The following BBS9 variants were observed in gnomAD, a reference collection of about 807,000 sequenced individuals.
The protein encoded by BBS9 is Bardet-Biedl syndrome 9, also known as protein PTHB1.
BBS9 carries 89 observed loss-of-function variants against 117.7 expected under a neutral mutation model. That is an observed-to-expected ratio of 0.76 (90% CI 0.64 to 0.90). The LOEUF is 0.90. BBS9 is among the 40% of genes least tolerant of loss of function. The pLI, the probability that BBS9 is intolerant of heterozygous loss-of-function variation, is 0.00. For synonymous variants in BBS9, 379 were observed against 370.9 expected (o/e 1.02, Z -0.25); for missense variants, 982 against 1,042.2 (o/e 0.94, Z 0.80).
intron 12 of BBS9, among the ~76,000 whole-genome samples, chr7:33,348,520 T>C (rs1290311072): frequency 1.3e-5 from 2 of 152,338 alleles, no homozygotes; most frequent in East Asian, 3.9e-4. Context: ...TATTAGCATA[T>C]TGTTGCTGTG....
chr7:33,568,756 T>C (rs1857303398), intron 21 of BBS9, among the ~76,000 whole-genome samples: 1 of 152,200 alleles, frequency 6.6e-6, no homozygotes, highest in East Asian at 1.9e-4. Flanking sequence ...AAATACAGAA[T>C]GGTGTTATGG....
chr7:33,407,936 C>T (rs1012323054), intron 19 of BBS9, among the ~76,000 whole-genome samples: 1 of 152,228 alleles, frequency 6.6e-6, no homozygotes, highest in East Asian at 1.9e-4. Flanking sequence ...TCTCCAGCTG[C>T]ATGCTGGGAG....
At chr7:33,566,605 T>C (rs1856965167) in intron 21 of BBS9, among the ~76,000 whole-genome samples, 1 of 152,120 alleles carries the variant, frequency 6.6e-6, no homozygotes, top group African/African-American at 2.4e-5. Context: ...TTTAGTGCTT[T>C]TCAAATTTAA....
chr7:33,326,949 C>T (rs563363904), intron 9 of BBS9, among the ~76,000 whole-genome samples: 3 of 151,876 alleles, frequency 2.0e-5, no homozygotes, highest in African/African-American at 4.8e-5. Flanking sequence ...GCTGGGCGTT[C>T]GGGGAAAGGT....
chr7:33,288,152 G>A (rs1027051356), intron 9 of BBS9, among the ~76,000 whole-genome samples: 5 of 152,086 alleles, frequency 3.3e-5, no homozygotes, highest in African/African-American at 1.2e-4. Context: ...CCAGAAATTC[G>A]TGCCTTATGC....
At chr7:33,465,449 G>GTA (rs1840024749) in intron 19 of BBS9, among the ~76,000 whole-genome samples, 1 of 152,018 alleles carries the variant, frequency 6.6e-6, no homozygotes, top group Non-Finnish European at 1.5e-5. Context: ...AAGTACTTTA[G>GTA]TTAATACAGT....
rs115054173 is a variant in BBS9 at position 33,157,011 on chromosome 7, G to A, written c.328+1309G>A. On this transcript the variant is annotated intron_variant, in intron 4 of 22. Coordinates refer to ENST00000242067, the MANE Select transcript of BBS9 (RefSeq NM_198428.3). Reference sequence around the variant, plus strand: ...TTATTTTACTAAGTGGGTTACACAAGCCATGGAGGAGAATTTGCCTACAGT... The same window carrying A: ...TTATTTTACTAAGTGGGTTACACAAACCATGGAGGAGAATTTGCCTACAGT... Among the ~76,000 whole-genome samples, 802 of 152,218 alleles carry A rather than the reference G, an allele frequency of 5.3e-3. 9 individuals are homozygous for A. Among genetic ancestry groups the A allele is most frequent in the African/African-American group, 0.018 (728 of 41,514 alleles).
rs529739969 is a variant in BBS9, at chr7:33,253,706, C to T, written c.443-3530C>T. ...TAGAGAGGCTCTGCTGTCCACAATA[C>T]GTGACTTTCATCTCTGAGGCCAAGA... On this transcript the variant is annotated intron_variant, in intron 5 of 22. Transcript: ENST00000242067. Among the ~76,000 whole-genome samples the T allele has an allele frequency of 3.3e-5, 5 of 152,300 alleles. No individual in the cohort carries two copies. In the East Asian group the frequency reaches 5.8e-4, roughly 18 times the overall value.
At chr7:33,306,902 C>A (rs980027924) in intron 9 of BBS9, among the ~76,000 whole-genome samples, 2 of 152,184 alleles carry the variant, frequency 1.3e-5, no homozygotes, top group East Asian at 1.9e-4. Context: ...AATAAAATAT[C>A]TTGGCAAATA....
chr7:33,210,407 T>A (rs181156097), intron 5 of BBS9, among the ~76,000 whole-genome samples: 19 of 152,342 alleles, frequency 1.2e-4, no homozygotes, highest in Admixed American at 1.2e-3. Flanking sequence ...CTCCATTTGG[T>A]CTATAGTGCA....
chr7:33,580,690 C>G (rs1859725861), intron 21 of BBS9, among the ~76,000 whole-genome samples: 1 of 152,116 alleles, frequency 6.6e-6, no homozygotes. Context: ...ACAGATGAAA[C>G]TGGCAGATGG....
At chr7:33,321,968 A>G (rs1356328088) in intron 9 of BBS9, among the ~76,000 whole-genome samples, 1 of 152,060 alleles carries the variant, frequency 6.6e-6, no homozygotes, top group Non-Finnish European at 1.5e-5. Flanking sequence ...TTTCAGCATC[A>G]ATCGAAATGA....
chr7:33,231,595 AT>A (rs1482377323), intron 5 of BBS9, among the ~76,000 whole-genome samples: 1 of 150,776 alleles, frequency 6.6e-6, no homozygotes, highest in Non-Finnish European at 1.5e-5. Flanking sequence ...AAACTTTGGG[AT>A]TTTTTTCCTA....
chr7:33,553,745 C>A (rs1031437905), intron 21 of BBS9, among the ~76,000 whole-genome samples: 1 of 151,998 alleles, frequency 6.6e-6, no homozygotes, highest in Admixed American at 6.6e-5. Flanking sequence ...ATGAATAGGA[C>A]AATTTTTAAA....
At chr7:33,559,889 C>G (rs1348947448) in intron 21 of BBS9, among the ~76,000 whole-genome samples, 1 of 152,114 alleles carries the variant, frequency 6.6e-6, no homozygotes, top group Admixed American at 6.5e-5. Context: ...TCCTTTGTTC[C>G]CAGATCTCCC....
At chr7:33,177,202 C>G (rs965170536) in intron 4 of BBS9, among the ~76,000 whole-genome samples, 2 of 152,052 alleles carry the variant, frequency 1.3e-5, no homozygotes, top group Non-Finnish European at 2.9e-5. Flanking sequence ...AATAATTACA[C>G]TTTACTCAGA....
chr7:33,424,931 A>T lies in BBS9; in HGVS notation c.2115+36787A>T, dbSNP rs2128865602. Among the ~76,000 whole-genome samples the T allele has an allele frequency of 1.3e-5, 2 of 152,300 alleles. 1 individual carries two copies. Among genetic ancestry groups the T allele is most frequent in the South Asian group, 4.1e-4 (2 of 4,822 alleles). ...CATGTTATGGTAAAAAAATTTAAAA[A>T]GTTTATGATTTTTTGGATATAAATT... On this transcript the variant is annotated intron_variant, in intron 19 of 22. Coordinates refer to ENST00000242067, the MANE Select transcript of BBS9 (RefSeq NM_198428.3).
chr7:33,152,659 T>G, intron 2 of BBS9, 42 bp from the exon 3 acceptor site: 1 of 1,558,638 alleles, frequency 6.4e-7, no homozygotes, highest in Non-Finnish European at 8.8e-7. Context: ...TTTGCTAATG[T>G]TTGTTTCTCC....
intron 5 of BBS9, among the ~76,000 whole-genome samples, chr7:33,204,515 T>A (rs1786540491): frequency 6.6e-6 from 1 of 152,172 alleles, no homozygotes; most frequent in African/African-American, 2.4e-5. Context: ...GAAGCTGTTA[T>A]CACTTCTAAG....
Sources: gnomAD v4.1 joint callset for allele counts (sites outside exome capture counted in the v4.1 genomes callset) on GRCh38, gnomAD v4.1.1 for gene constraint, MANE v1.5 for transcripts, NCBI Gene and HGNC (gene_info 2026-07-23, HGNC 2026-07-21) for gene names.